The following ZC2HC1B variants were observed in gnomAD, a reference collection of about 807,000 sequenced individuals.
ZC2HC1B encodes zinc finger C2HC-type containing 1B.
In ZC2HC1B, 36 loss-of-function variants were observed where a neutral mutation model predicts 31.0. The ratio of observed to expected loss-of-function variants is 1.16; its 90% confidence interval spans 0.89 to 1.54. ZC2HC1B has a LOEUF of 1.54. ZC2HC1B is among the 40% of genes most tolerant of loss of function. The pLI is 0.00. For missense variants in ZC2HC1B, 260 were observed against 268.6 expected (o/e 0.97, Z 0.22); for synonymous variants, 73 against 88.0 (o/e 0.83, Z 0.95).
chr6:143,935,458 C>T (rs1416154896), intron 6 of ZC2HC1B, among the ~76,000 whole-genome samples: 1 of 151,980 alleles, frequency 6.6e-6, no homozygotes, highest in East Asian at 1.9e-4. Flanking sequence ...GTCCTCAGGC[C>T]CAGTGAGGGT....
chr6:143,873,349 A>T (rs1481273034), intron 1 of ZC2HC1B, among the ~76,000 whole-genome samples: 3 of 152,020 alleles, frequency 2.0e-5, no homozygotes, highest in African/African-American at 4.8e-5. Context: ...GCCTGCTTTC[A>T]TGGGTTGGTG....
At chr6:143,893,319 C>T (rs1777621537) in intron 4 of ZC2HC1B, among the ~76,000 whole-genome samples, 1 of 152,176 alleles carries the variant, frequency 6.6e-6, no homozygotes, top group Non-Finnish European at 1.5e-5. Context: ...AATCTCAGCA[C>T]TTTGGGAGGC....
At chr6:143,926,493 A>ATT (rs35060996) in intron 6 of ZC2HC1B, among the ~76,000 whole-genome samples, 8 of 150,702 alleles carry the variant, frequency 5.3e-5, no homozygotes, top group South Asian at 2.1e-4. Context: ...TATGATTTTG[A>ATT]TTTTTTTTTT....
chr6:143,904,886 T>C (rs1180070662), intron 6 of ZC2HC1B, among the ~76,000 whole-genome samples: 1 of 152,244 alleles, frequency 6.6e-6, no homozygotes, highest in East Asian at 1.9e-4. Flanking sequence ...CATTTGACCA[T>C]GTATACAAGG....
At chr6:143,888,187 C>T (rs570396802) in intron 4 of ZC2HC1B, among the ~76,000 whole-genome samples, 1 of 152,186 alleles carries the variant, frequency 6.6e-6, no homozygotes, top group South Asian at 2.1e-4. Flanking sequence ...AATCTTGGCA[C>T]CATTATCAAA....
At chr6:143,864,954 C>G (rs1374400696) in intron 1 of ZC2HC1B, among the ~76,000 whole-genome samples, 1 of 152,166 alleles carries the variant, frequency 6.6e-6, no homozygotes, top group Non-Finnish European at 1.5e-5. Context: ...TCTTAATAGG[C>G]ATTGGATGTT....
chr6:143,930,783 T>G (rs1303939138), intron 6 of ZC2HC1B, among the ~76,000 whole-genome samples: 2 of 152,250 alleles, frequency 1.3e-5, no homozygotes, highest in Admixed American at 1.3e-4. Context: ...GCTTATTTTG[T>G]TGCATAACAT....
chr6:143,937,027 A>G (rs2128498295), intron 6 of ZC2HC1B, among the ~76,000 whole-genome samples: 1 of 152,190 alleles, frequency 6.6e-6, no homozygotes, highest in Middle Eastern at 3.4e-3. Flanking sequence ...GACAGAGGGG[A>G]CTTGTTCCTT....
chr6:143,889,564 G>A (rs9496803), intron 4 of ZC2HC1B, among the ~76,000 whole-genome samples: 292 of 152,208 alleles, frequency 1.9e-3, no homozygotes, highest in African/African-American at 6.9e-3. Flanking sequence ...TAACTGCAGG[G>A]CAAGTATTAA....
At chr6:143,894,283 A>G (rs182051637) in intron 4 of ZC2HC1B, among the ~76,000 whole-genome samples, 8 of 152,338 alleles carry the variant, frequency 5.3e-5, no homozygotes, top group Admixed American at 2.0e-4. Flanking sequence ...TCTTATGAAT[A>G]GTAATAGGAA....
At chr6:143,937,956 C>T (rs1309075723) in intron 7 of ZC2HC1B, among the ~76,000 whole-genome samples, 186 bp from the exon 8 acceptor site, 1 of 152,208 alleles carries the variant, frequency 6.6e-6, no homozygotes, top group African/African-American at 2.4e-5. Flanking sequence ...TGATCCCTCA[C>T]TTTTGACCTG....
rs1008333939 is a variant in ZC2HC1B at position 143,911,594 on chromosome 6, C to T, written c.598+8442C>T. Among the ~76,000 whole-genome samples, 1 of 152,110 alleles carries T rather than the reference C, an allele frequency of 6.6e-6. No homozygotes were observed. Among genetic ancestry groups the T allele is most frequent in the Non-Finnish European group, 1.5e-5 (1 of 68,030 alleles). ...TTTCTTTAAGAATGTTGAATTTTGG[C>T]CCCCAGTCTCTTCTACCTTCTAGGG... On this transcript the variant is annotated intron_variant, in intron 6 of 7. Coordinates refer to ENST00000237275, the MANE Select transcript of ZC2HC1B (RefSeq NM_001013623.3). This position sits in a 1 kb window ranked among gnomAD's most constrained non-coding sequence, Gnocchi z 4.5.
At position 143,883,392 on chromosome 6, in the gene ZC2HC1B, A is replaced by G. The variant is rs1271578867; in HGVS notation, c.29-912A>G. ...TCTTCTCCCACTATACTCGCAATCC[A>G]TTTGCCCCTTCTTGCCTTTCTCACA... On this transcript the variant is annotated intron_variant, in intron 1 of 7. Coordinates refer to ENST00000237275, the MANE Select transcript of ZC2HC1B (RefSeq NM_001013623.3). This position sits in a 1 kb window ranked among gnomAD's most constrained non-coding sequence, Gnocchi z 4.1. Among the ~76,000 whole-genome samples the G allele has an allele frequency of 6.6e-6, 1 of 152,012 alleles. No individual in the cohort carries two copies. The highest frequency in any genetic ancestry group is 1.5e-5 in the Non-Finnish European group (1 of 68,000).
intron 6 of ZC2HC1B, among the ~76,000 whole-genome samples, chr6:143,928,541 A>C (rs1421698645): frequency 6.6e-6 from 1 of 151,768 alleles, no homozygotes; most frequent in Non-Finnish European, 1.5e-5. Flanking sequence ...GAGTTAGGTA[A>C]TGTGATGCCT....
chr6:143,928,824 G>GTTTTTTTTTTT (rs59359194), intron 6 of ZC2HC1B, among the ~76,000 whole-genome samples: 6 of 142,304 alleles, frequency 4.2e-5, no homozygotes, highest in Admixed American at 6.9e-5. Context: ...TATTCCTAGG[G>GTTTTTTTTTTT]TTTTTTTTTT....
chr6:143,868,911 TATC>T lies in ZC2HC1B; in HGVS notation c.28+4345_28+4347del, dbSNP rs1777303312. Among the ~76,000 whole-genome samples, 2 of 152,204 alleles carry T rather than the reference TATC, an allele frequency of 1.3e-5. No individual in the cohort carries two copies. Among genetic ancestry groups the T allele is most frequent in the Non-Finnish European group, 2.9e-5 (2 of 68,044 alleles). On this transcript the variant is annotated intron_variant, in intron 1 of 7. Transcript: ENST00000237275. The surrounding 1 kb of genome is among the most constrained non-coding windows in gnomAD (Gnocchi z 4.2). ...AAGGAAAAAGTAAATAAAATGAAGA[TATC>T]TTCTTAGTACACGTGTGTACATGCA...
rs1276645782 is a variant in ZC2HC1B, at chr6:143,884,135, C to T, written c.29-169C>T. Among the ~76,000 whole-genome samples, 1 of 152,110 alleles carries T rather than the reference C, an allele frequency of 6.6e-6. No individual in the cohort carries two copies. Among genetic ancestry groups the T allele is most frequent in the African/African-American group, 2.4e-5 (1 of 41,398 alleles). On this transcript the variant is annotated intron_variant, in intron 1 of 7. Coordinates refer to ENST00000237275, the MANE Select transcript of ZC2HC1B (RefSeq NM_001013623.3). The surrounding 1 kb of genome is among the most constrained non-coding windows in gnomAD (Gnocchi z 5.1). The stretch of plus-strand genomic sequence containing the variant: ...AGGAGTTTATATCAGGAAAGGAAAA[C>T]ACAGGTGAGTTTAGTTTACACAGGG...
chr6:143,931,109 T>C (rs569920838), intron 6 of ZC2HC1B, among the ~76,000 whole-genome samples: 1 of 152,340 alleles, frequency 6.6e-6, no homozygotes, highest in East Asian at 1.9e-4. Context: ...TTTTGTTTGA[T>C]ATGAGAATAG....
rs1777328981 is a variant in ZC2HC1B at position 143,870,952 on chromosome 6, T to C, written c.28+6385T>C. On this transcript the variant is annotated intron_variant, in intron 1 of 7. Coordinates refer to ENST00000237275, the MANE Select transcript of ZC2HC1B (RefSeq NM_001013623.3). The surrounding 1 kb of genome is among the most constrained non-coding windows in gnomAD (Gnocchi z 4.7). ...CTCAAAACTGGCAGCTTCAGGTCAC[T>C]TGATAAATGGGCCGGATTAACACAC... 6.6e-6 allele frequency among the ~76,000 whole-genome samples: 1 copy of C among 152,128 alleles called. No homozygotes were observed. Among genetic ancestry groups the C allele is most frequent in the Non-Finnish European group, 1.5e-5 (1 of 68,034 alleles).
Sources: allele counts gnomAD v4.1 joint callset (sites outside exome capture counted in the v4.1 genomes callset), GRCh38; gene constraint gnomAD v4.1.1; non-coding constraint Gnocchi (gnomAD v3.1); transcripts MANE v1.5; gene names NCBI Gene and HGNC (gene_info 2026-07-23, HGNC 2026-07-21).